The following PCDH9 variants were observed in gnomAD, a reference collection of about 807,000 sequenced individuals.
PCDH9 encodes protocadherin 9, also known as protocadherin-9.
Under a neutral mutation model 70.6 loss-of-function variants are expected in PCDH9, and 24 were observed. The ratio of observed to expected loss-of-function variants is 0.34; its 90% CI spans 0.25 to 0.48. The LOEUF (loss-of-function observed/expected upper bound fraction) is 0.48, where lower values mean the gene tolerates loss of function less well. PCDH9 is among the 20% of genes least tolerant of loss of function. The probability of loss-of-function intolerance (pLI) is 0.99; values close to 1 mark genes in which losing one functional copy is unlikely to be tolerated. For missense variants in PCDH9, 1,281 were observed against 1,503.6 expected (o/e 0.85, Z 2.45); for synonymous variants, 562 against 558.5 (o/e 1.01, Z -0.09).
intron 2 of PCDH9, among the ~76,000 whole-genome samples, chr13:67,103,602 T>C (rs1451149995): frequency 6.6e-6 from 1 of 152,206 alleles, no homozygotes; most frequent in African/African-American, 2.4e-5. Flanking sequence ...CTTTTTTCTT[T>C]TTTTTTCTTT....
At chr13:66,531,511 T>G (rs1218248649) in intron 4 of PCDH9, among the ~76,000 whole-genome samples, 1 of 152,128 alleles carries the variant, frequency 6.6e-6, no homozygotes, top group East Asian at 1.9e-4. Flanking sequence ...ACAATTTTCT[T>G]GTTATGGCAT....
intron 2 of PCDH9, among the ~76,000 whole-genome samples, chr13:66,960,821 T>C (rs897687093): frequency 1.3e-5 from 2 of 152,162 alleles, no homozygotes; most frequent in African/African-American, 4.8e-5. Context: ...TACTAAAGTG[T>C]AAAAATCATG....
intron 4 of PCDH9, among the ~76,000 whole-genome samples, chr13:66,396,629 C>T (rs914965013): frequency 2.0e-5 from 3 of 152,262 alleles, no homozygotes; most frequent in East Asian, 1.9e-4. Context: ...GTGATTCTAG[C>T]GTCAGCTCTG....
intron 3 of PCDH9, among the ~76,000 whole-genome samples, chr13:66,762,790 C>T: frequency 6.6e-6 from 1 of 151,828 alleles, no homozygotes; most frequent in East Asian, 1.9e-4. Context: ...TATTATGAAA[C>T]ATAGACTATA....
At chr13:66,868,957 T>C (rs1356022744) in intron 3 of PCDH9, among the ~76,000 whole-genome samples, 2 of 152,180 alleles carry the variant, frequency 1.3e-5, no homozygotes, top group African/African-American at 2.4e-5. Flanking sequence ...AATAATGTAA[T>C]ATAAGCAAAT....
intron 4 of PCDH9, among the ~76,000 whole-genome samples, chr13:66,327,459 T>C (rs1297053010): frequency 3.9e-5 from 6 of 152,232 alleles, no homozygotes; most frequent in Admixed American, 3.3e-4. Context: ...TTATTTTGTT[T>C]AGAACTATGT....
intron 4 of PCDH9, among the ~76,000 whole-genome samples, chr13:66,318,590 A>G (rs1037328185): frequency 6.6e-6 from 1 of 152,198 alleles, no homozygotes; most frequent in Non-Finnish European, 1.5e-5. Flanking sequence ...AGCCTGTATT[A>G]CCCTCAGAAT....
chr13:67,056,661 A>G (rs1349062965), intron 2 of PCDH9, among the ~76,000 whole-genome samples: 1 of 152,160 alleles, frequency 6.6e-6, no homozygotes, highest in Non-Finnish European at 1.5e-5. Context: ...CTCTCAATTC[A>G]TGTATTTCCT....
intron 2 of PCDH9, among the ~76,000 whole-genome samples, chr13:67,165,839 C>T (rs1186980929): frequency 1.3e-5 from 2 of 152,014 alleles, no homozygotes; most frequent in Non-Finnish European, 2.9e-5. Context: ...TGCATTTTTT[C>T]ATTAGTGTAA....
rs531919129 is a variant in PCDH9, at chr13:66,303,493, A to G, written c.*1162T>C. 3.3e-5 allele frequency: 5 copies of G among 152,654 alleles called. No homozygotes were observed. The highest frequency in any genetic ancestry group is 3.4e-3 in the Middle Eastern group (1 of 294). The allele number at this position is 152,654 out of a possible 1,614,324, so 9.5% of individuals were successfully genotyped here. A position where few individuals can be genotyped will look rare whatever the true frequency, so the allele number is the denominator to read the frequency against. On this transcript the variant is annotated 3_prime_UTR_variant, in exon 5 of 5. Transcript: ENST00000377865. ...ACAACACATTAAATATTTTGTGGCT[A>G]TGGTCTAATAACACTTGTGTTACAA...
At chr13:66,669,876 A>G (rs2078147397) in intron 3 of PCDH9, among the ~76,000 whole-genome samples, 2 of 152,222 alleles carry the variant, frequency 1.3e-5, no homozygotes. Flanking sequence ...GTGTTTTAAT[A>G]AAAACTAACA....
intron 1 of PCDH9, among the ~76,000 whole-genome samples, chr13:67,229,331 G>T (rs2089956907): frequency 6.6e-6 from 1 of 152,168 alleles, no homozygotes; most frequent in African/African-American, 2.4e-5. Flanking sequence ...AGAGAGTGCC[G>T]AGATATAAGT....
At chr13:67,055,368 T>A (rs1594448631) in intron 2 of PCDH9, among the ~76,000 whole-genome samples, 1 of 152,320 alleles carries the variant, frequency 6.6e-6, no homozygotes, top group East Asian at 1.9e-4. Flanking sequence ...GTTACATGTA[T>A]ATTTGAACAG....
intron 3 of PCDH9, among the ~76,000 whole-genome samples, chr13:66,829,742 A>T (rs1043302750): frequency 2.7e-5 from 4 of 148,690 alleles, no homozygotes; most frequent in African/African-American, 9.8e-5. Flanking sequence ...AAAAAAAAAA[A>T]AAAATTTCAT....
At chr13:67,148,360 T>A (rs1048487307) in intron 2 of PCDH9, among the ~76,000 whole-genome samples, 7 of 152,134 alleles carry the variant, frequency 4.6e-5, no homozygotes, top group Non-Finnish European at 5.9e-5. Context: ...ATTATAGGAA[T>A]ACTTATAGTC....
At chr13:66,417,121 C>T (rs1309391853) in intron 4 of PCDH9, among the ~76,000 whole-genome samples, 5 of 152,102 alleles carry the variant, frequency 3.3e-5, no homozygotes, top group Non-Finnish European at 5.9e-5. Flanking sequence ...TAGTTTGCTG[C>T]ACCCAGCAAC....
chr13:66,836,809 T>C (rs901977217), intron 3 of PCDH9, among the ~76,000 whole-genome samples: 4 of 152,162 alleles, frequency 2.6e-5, no homozygotes, highest in Non-Finnish European at 5.9e-5. Flanking sequence ...CTCGGTCAGA[T>C]TTTCTTTTCT....
At chr13:66,693,327 CT>C (rs1257461337) in intron 3 of PCDH9, among the ~76,000 whole-genome samples, 1 of 151,974 alleles carries the variant, frequency 6.6e-6, no homozygotes, top group Non-Finnish European at 1.5e-5. Flanking sequence ...ATTTTATGAT[CT>C]GTTCCAGTAA....
chr13:67,024,739 T>G (rs1384402903), intron 2 of PCDH9, among the ~76,000 whole-genome samples: 3 of 152,112 alleles, frequency 2.0e-5, no homozygotes, highest in Non-Finnish European at 4.4e-5. Context: ...CTTGAGACAC[T>G]GAAGAAAATA....
Sources: allele counts gnomAD v4.1 joint callset (sites outside exome capture counted in the v4.1 genomes callset), GRCh38; gene constraint gnomAD v4.1.1; transcripts MANE v1.5; gene names NCBI Gene and HGNC (gene_info 2026-07-23, HGNC 2026-07-21).